TANC2: variants seen among roughly 807,000 people sequenced by gnomAD.
TANC2 encodes tetratricopeptide repeat, ankyrin repeat and coiled-coil containing 2.
TANC2 carries 26 observed loss-of-function variants against 210.5 expected under a neutral mutation model. The ratio of observed to expected loss-of-function variants is 0.12; its 90% CI spans 0.09 to 0.17. The LOEUF (loss-of-function observed/expected upper bound fraction) is 0.17, where lower values mean the gene tolerates loss of function less well. Ranked by LOEUF, TANC2 falls within the 10% of genes least tolerant of loss-of-function variation. The pLI, the probability that TANC2 is intolerant of heterozygous loss-of-function variation, is 1.00. For missense variants in TANC2, 2,129 were observed against 2,608.9 expected (o/e 0.82, Z 4.01); for synonymous variants, 931 against 967.1 (o/e 0.96, Z 0.69).
intron 11 of TANC2, among the ~76,000 whole-genome samples, chr17:63,334,296 C>T (rs894756140): frequency 3.9e-5 from 6 of 152,030 alleles, no homozygotes; most frequent in African/African-American, 1.2e-4. Flanking sequence ...TGCCAAAAAG[C>T]AAGAACTTGC....
chr17:63,178,209 TG>T (rs939964432), intron 5 of TANC2, among the ~76,000 whole-genome samples: 4 of 152,070 alleles, frequency 2.6e-5, no homozygotes, highest in Non-Finnish European at 5.9e-5. Flanking sequence ...GGAGGGCGCC[TG>T]TAGTCCCAGC....
intron 11 of TANC2, among the ~76,000 whole-genome samples, chr17:63,335,834 T>C (rs1442656776): frequency 1.3e-5 from 2 of 152,178 alleles, no homozygotes; most frequent in Non-Finnish European, 2.9e-5. Flanking sequence ...GCTATGGTTA[T>C]GTAAGATGTT....
chr17:63,128,920 C>T (rs1019466886), intron 4 of TANC2, among the ~76,000 whole-genome samples: 2 of 152,198 alleles, frequency 1.3e-5, no homozygotes, highest in Non-Finnish European at 2.9e-5. Context: ...CCCTCTCAAA[C>T]TAGAGAGCTA....
At chr17:63,164,471 T>A (rs1390020540) in intron 5 of TANC2, among the ~76,000 whole-genome samples, 1 of 152,126 alleles carries the variant, frequency 6.6e-6, no homozygotes, top group Non-Finnish European at 1.5e-5. Flanking sequence ...ATTATAAGTT[T>A]TAAATGAAGC....
At chr17:63,153,288 A>G (rs1165268198) in intron 5 of TANC2, 2 of 152,204 alleles carry the variant, frequency 1.3e-5, no homozygotes, top group Admixed American at 1.3e-4. Context: ...CATAGGATAT[A>G]CTAACACCAC....
At chr17:63,128,538 C>G (rs1487859756) in intron 4 of TANC2, among the ~76,000 whole-genome samples, 1 of 152,158 alleles carries the variant, frequency 6.6e-6, no homozygotes, top group Non-Finnish European at 1.5e-5. Context: ...AATTCATATT[C>G]AAACAAAAGG....
intron 2 of TANC2, among the ~76,000 whole-genome samples, chr17:63,036,034 G>T (rs1354165816): frequency 6.6e-6 from 1 of 152,010 alleles, no homozygotes; most frequent in African/African-American, 2.4e-5. Context: ...TTTTTATTTG[G>T]TTGTTTGTTT....
intron 11 of TANC2, among the ~76,000 whole-genome samples, chr17:63,338,401 G>A (rs1210143455): frequency 6.6e-6 from 1 of 152,100 alleles, no homozygotes; most frequent in African/African-American, 2.4e-5. Context: ...CTTTAAAATG[G>A]TATCTTCTTA....
chr17:63,181,516 G>T (rs947029784), intron 5 of TANC2, among the ~76,000 whole-genome samples: 1 of 152,238 alleles, frequency 6.6e-6, no homozygotes, highest in Non-Finnish European at 1.5e-5. Context: ...CAACAAGCCA[G>T]CAGGGAGAAA....
At chr17:63,211,545 A>C (rs2041885118) in intron 7 of TANC2, among the ~76,000 whole-genome samples, 1 of 151,920 alleles carries the variant, frequency 6.6e-6, no homozygotes. Flanking sequence ...TTCTGTCACC[A>C]CCACTACTAC....
At chr17:63,250,306 T>G (rs138011751) in intron 8 of TANC2, among the ~76,000 whole-genome samples, 5 of 151,882 alleles carry the variant, frequency 3.3e-5, no homozygotes, top group Admixed American at 6.6e-5. Flanking sequence ...ATTTATTTAT[T>G]TATGAATGAA....
intron 9 of TANC2, among the ~76,000 whole-genome samples, chr17:63,313,126 T>C (rs1002671373): frequency 6.6e-6 from 1 of 152,186 alleles, no homozygotes; most frequent in African/African-American, 2.4e-5. Flanking sequence ...TTCCCCTTTG[T>C]GATTTCTCTT....
intron 8 of TANC2, among the ~76,000 whole-genome samples, chr17:63,264,704 G>A (rs1225827110): frequency 6.6e-6 from 1 of 152,162 alleles, no homozygotes; most frequent in Non-Finnish European, 1.5e-5. Context: ...CTAATAGTGT[G>A]TGTGGCTTGC....
intron 3 of TANC2, among the ~76,000 whole-genome samples, chr17:63,082,358 T>C (rs1159159739): frequency 6.6e-6 from 1 of 152,202 alleles, no homozygotes; most frequent in Non-Finnish European, 1.5e-5. Flanking sequence ...GGAAAATTAT[T>C]ATAGAGTTGA....
intron 2 of TANC2, among the ~76,000 whole-genome samples, chr17:63,057,908 C>T (rs1257425083): frequency 6.6e-6 from 1 of 151,968 alleles, no homozygotes; most frequent in Non-Finnish European, 1.5e-5. Flanking sequence ...GTGTATGTGT[C>T]CTTATGGTAG....
At chr17:63,157,620 C>T (rs940995239) in intron 5 of TANC2, among the ~76,000 whole-genome samples, 1 of 151,722 alleles carries the variant, frequency 6.6e-6, no homozygotes, top group African/African-American at 2.4e-5. Context: ...TCCTAATTTC[C>T]CTCTGTAAAA....
intron 1 of TANC2, among the ~76,000 whole-genome samples, chr17:62,971,664 C>A (rs2031701520): frequency 6.6e-6 from 1 of 152,132 alleles, no homozygotes; most frequent in Non-Finnish European, 1.5e-5. Flanking sequence ...GGTCTCTAAC[C>A]CCTGGACCAT....
chr17:63,134,727 A>G (rs1312256346), intron 4 of TANC2, among the ~76,000 whole-genome samples: 1 of 152,216 alleles, frequency 6.6e-6, no homozygotes, highest in East Asian at 1.9e-4. Flanking sequence ...TTGGTTGAAG[A>G]CTACATGATA....
At chr17:63,380,882 T>C (rs1321319183) in intron 15 of TANC2, among the ~76,000 whole-genome samples, 1 of 152,224 alleles carries the variant, frequency 6.6e-6, no homozygotes, top group East Asian at 1.9e-4. Flanking sequence ...TTGTCTTGTC[T>C]AACAAATCAC....
Sources: gnomAD v4.1 joint callset for allele counts (sites outside exome capture counted in the v4.1 genomes callset) on GRCh38, gnomAD v4.1.1 for gene constraint, MANE v1.5 for transcripts, NCBI Gene and HGNC (gene_info 2026-07-23, HGNC 2026-07-21) for gene names.